The following GTF3C1 variants were observed in gnomAD, a reference collection of about 807,000 sequenced individuals.
GTF3C1 encodes general transcription factor 3C polypeptide 1.
In GTF3C1, 57 loss-of-function variants were observed where a neutral mutation model predicts 226.7. The ratio of observed to expected loss-of-function variants is 0.25; its 90% CI spans 0.20 to 0.31. GTF3C1 has a LOEUF of 0.31. Among genes scored for constraint, GTF3C1 ranks in the 10% least tolerant of loss-of-function variants. The pLI is 1.00. For synonymous variants in GTF3C1, 1,090 were observed against 1,084.8 expected, an observed-to-expected ratio of 1.00 and a Z score of -0.09; for missense variants, 2,217 against 2,776.1, an observed-to-expected ratio of 0.80 and a Z score of 4.53.
chr16:27,521,329 C>T (rs531730311), intron 6 of GTF3C1, among the ~76,000 whole-genome samples: 1 of 152,346 alleles, frequency 6.6e-6, no homozygotes, highest in East Asian at 1.9e-4. Context: ...AGAGGTCTTG[C>T]GAGAAAATCT....
chr16:27,462,866 C>T lies in GTF3C1; in HGVS notation c.5925-380G>A, dbSNP rs1201678108. ...GGGAGCGTGACCCTGAAGCTCTGCT[C>T]CACGCCATGTGCAGAGTTCCAGGCA... On this transcript the variant is annotated intron_variant, in intron 35 of 36. Transcript: ENST00000356183. The surrounding 1 kb of genome is among the most constrained non-coding windows in gnomAD (Gnocchi z 4.5). The T allele has an allele frequency of 1.7e-5, 4 of 237,458 alleles. No individual in the cohort carries two copies. The Admixed American group carries it at 2.0e-4, about 12-fold the overall frequency. 14.7% of individuals were successfully genotyped at this position (237,458 alleles called of 1,614,324 possible). A position where few individuals can be genotyped will look rare whatever the true frequency, so the allele number is the denominator to read the frequency against.
intron 28 of GTF3C1, among the ~76,000 whole-genome samples, chr16:27,476,770 G>T (rs111881203): frequency 1.3e-5 from 2 of 152,158 alleles, no homozygotes; most frequent in African/African-American, 2.4e-5. Context: ...TACCTGGAAC[G>T]GGTTTACATG....
Position 27,461,284 on chromosome 16 carries a change from G to A in GTF3C1, c.*66C>T. The A allele has an allele frequency of 9.3e-7, 1 of 1,071,458 alleles. No homozygotes were observed. Among genetic ancestry groups the A allele is most frequent in the Non-Finnish European group, 1.4e-6 (1 of 718,042 alleles). The allele number at this position is 1,071,458 out of a possible 1,614,324, so 66.4% of individuals were successfully genotyped here. ...CCAAGGCCAGGGCACAGTGGGGTCT[G>A]CCGAGCACCAGGCAGGAGTGGTGTG... On this transcript the variant is annotated 3_prime_UTR_variant, in exon 37 of 37. Transcript: ENST00000356183. This position sits in a 1 kb window ranked among gnomAD's most constrained non-coding sequence, Gnocchi z 5.3.
Position 27,514,079 on chromosome 16 carries a change from T to A in GTF3C1, c.974-2178A>T, listed in dbSNP as rs376095664. 1.1e-4 allele frequency among the ~76,000 whole-genome samples: 17 copies of A among 152,250 alleles called. 1 individual carries two copies. In the East Asian group the frequency reaches 1.3e-3, roughly 12 times the overall value. On this transcript the variant is annotated intron_variant, in intron 6 of 36. Coordinates refer to ENST00000356183, the MANE Select transcript of GTF3C1 (RefSeq NM_001520.4). ...GAACTCAACAGACCTCTGGAGACAC[T>A]CTAACGGGGGCCAGCCTAGGGCAAG...
In GTF3C1 at chr16:27,465,159, G is replaced by C. The variant is rs1025350868; in HGVS notation, c.5355+101C>G. 12 of 1,065,418 alleles carry C rather than the reference G, an allele frequency of 1.1e-5. No homozygotes were observed. The Admixed American group carries it at 2.3e-4, about 20-fold the overall frequency. The allele number at this position is 1,065,418 out of a possible 1,614,324, so 66.0% of individuals were successfully genotyped here. A position where few individuals can be genotyped will look rare whatever the true frequency, so the allele number is the denominator to read the frequency against. Reference sequence around the variant, plus strand: ...TAATTCAACGTTTAAAAAGAACGCAGCATGCTATGCCCCAAATCAAGCCCA... The same window carrying C: ...TAATTCAACGTTTAAAAAGAACGCACCATGCTATGCCCCAAATCAAGCCCA... On this transcript the variant is annotated intron_variant, in intron 33 of 36. Transcript: ENST00000356183.
intron 21 of GTF3C1, 67 bp downstream of exon 21, chr16:27,488,976 C>A: frequency 1.4e-6 from 2 of 1,438,578 alleles, no homozygotes; most frequent in Non-Finnish European, 2.0e-6. Flanking sequence ...TCTGGTCAGG[C>A]AGGGAGGGAC....
rs1409875982 is a variant in GTF3C1, at chr16:27,478,545, A to AT, written c.4197-15dup. The AT allele has an allele frequency of 6.3e-7, 1 of 1,596,582 alleles. No homozygotes were observed. Among genetic ancestry groups the AT allele is most frequent in the African/African-American group, 1.3e-5 (1 of 74,594 alleles). Reference sequence around the variant, plus strand: ...AAAACTCGGTACCTGCAAAAGAAACATAACAGCATGTCAGTGAAACAAAAC... The same window carrying AT: ...AAAACTCGGTACCTGCAAAAGAAACATTAACAGCATGTCAGTGAAACAAAAC... On this transcript the variant is annotated splice_polypyrimidine_tract_variant and intron_variant, in intron 27 of 36. Transcript: ENST00000356183.
Position 27,471,476 on chromosome 16 carries a change from C to A in GTF3C1, c.4526+272G>T. 1 of 418,814 alleles carries A rather than the reference C, an allele frequency of 2.4e-6. No individual in the cohort carries two copies. Among genetic ancestry groups the A allele is most frequent in the Non-Finnish European group, 4.4e-6 (1 of 229,782 alleles). 25.9% of individuals were successfully genotyped at this position (418,814 alleles called of 1,614,324 possible). ...AGCCAGGCCAATTATTAAATGCAAA[C>A]TGATTTCACTCCATCTGACGAGAGA... is the stretch of plus-strand genomic sequence containing the variant. On this transcript the variant is annotated intron_variant, in intron 30 of 36. Coordinates refer to ENST00000356183, the MANE Select transcript of GTF3C1 (RefSeq NM_001520.4). This position sits in a 1 kb window ranked among gnomAD's most constrained non-coding sequence, Gnocchi z 5.0.
At chr16:27,489,566 C>T (rs765932197) in intron 20 of GTF3C1, 36 bp downstream of exon 20, 1 of 1,547,316 alleles carries the variant, frequency 6.5e-7, no homozygotes, top group South Asian at 1.2e-5. Flanking sequence ...CACCGCAGCC[C>T]AGTCCTGGCC....
chr16:27,471,727 A>AGGCTCCTGACAG lies in GTF3C1; in HGVS notation c.4526+9_4526+20dup. ...GCGTGGCTCCACCTCGGAGTACCCA[A>AGGCTCCTGACAG]GGCTCCTGACAGGTACTCACCTGTA... On this transcript the variant is annotated intron_variant, in intron 30 of 36. Coordinates refer to ENST00000356183, the MANE Select transcript of GTF3C1 (RefSeq NM_001520.4). The surrounding 1 kb of genome is among the most constrained non-coding windows in gnomAD (Gnocchi z 5.0). 1 of 1,596,908 alleles carries AGGCTCCTGACAG rather than the reference A, an allele frequency of 6.3e-7. No homozygotes were observed. The highest frequency in any genetic ancestry group is 8.6e-7 in the Non-Finnish European group (1 of 1,164,632).
At position 27,488,417 on chromosome 16, in the gene GTF3C1, T is replaced by C; in HGVS notation, c.3512-2A>G. 6.2e-7 allele frequency: 1 copy of C among 1,607,940 alleles called. No homozygotes were observed. The highest frequency in any genetic ancestry group is 1.1e-5 in the South Asian group (1 of 90,964). ...CCCAAATATTCAACCTGCTGTTGCC[T>C]AGACATAATCACAGGAGACAACAGT... is the stretch of plus-strand genomic sequence containing the variant. On this transcript the variant is annotated splice_acceptor_variant, in intron 22 of 36. Coordinates refer to ENST00000356183, the MANE Select transcript of GTF3C1 (RefSeq NM_001520.4). LOFTEE classifies it high-confidence loss of function.
chr16:27,529,134 G>T (rs144820189), intron 5 of GTF3C1, among the ~76,000 whole-genome samples: 2,162 of 152,220 alleles, frequency 0.014, 18 homozygotes, highest in Non-Finnish European at 0.024. Context: ...GAAAAAAAAG[G>T]GGAAAAAATA....
Position 27,464,526 on chromosome 16 carries a change from T to C in GTF3C1, c.5666A>G (p.Gln1889Arg). Residue 1889 changes from glutamine to arginine, a missense_variant, in exon 34 of 37, where the codon CAG becomes CGG. Physicochemically the swap from Gln to Arg is conservative, Grantham distance 43. This residue lies in a region of GTF3C1 where 455 missense variants were observed against 441.9 expected (regional missense o/e 1.03). Coordinates refer to ENST00000356183, the MANE Select transcript of GTF3C1 (RefSeq NM_001520.4). ...QMTPAKRPAL[Q>R]DSNLAPSLGP... ...AAGGCTGGGGGCCAAATTTGAGTCC[T>C]GGAGCGCTGGCCTCTTGGCAGGGGT... The C allele has an allele frequency of 6.6e-7, 1 of 1,519,028 alleles. No individual in the cohort carries two copies. The highest frequency in any genetic ancestry group is 8.8e-7 in the Non-Finnish European group (1 of 1,134,750). 94.1% of individuals were successfully genotyped at this position (1,519,028 alleles called of 1,614,324 possible).
chr16:27,524,314 T>C (rs2088798050), intron 6 of GTF3C1, among the ~76,000 whole-genome samples: 1 of 152,234 alleles, frequency 6.6e-6, no homozygotes, highest in Non-Finnish European at 1.5e-5. Flanking sequence ...TTCTGATTTT[T>C]AAATGCCGGC....
chr16:27,480,746 G>T, intron 27 of GTF3C1: 1 of 268,970 alleles, frequency 3.7e-6, no homozygotes, highest in South Asian at 6.0e-5. Flanking sequence ...TTCAAATCCT[G>T]GCCCTGGTAC....
chr16:27,527,277 G>A (rs557750474), intron 6 of GTF3C1, among the ~76,000 whole-genome samples: 1 of 152,336 alleles, frequency 6.6e-6, no homozygotes, highest in Admixed American at 6.5e-5. Context: ...TGCCTCCCAG[G>A]TTCAAGCGAT....
At chr16:27,493,837 A>G (rs763449797) in intron 16 of GTF3C1, among the ~76,000 whole-genome samples, 3 of 152,240 alleles carry the variant, frequency 2.0e-5, no homozygotes, top group Non-Finnish European at 4.4e-5. Context: ...ACTCTACTTA[A>G]TATCAAGTCT....
chr16:27,509,757 CAAAAAAAAAAAAA>C (rs770402001), intron 7 of GTF3C1, among the ~76,000 whole-genome samples: 1 of 58,816 alleles, frequency 1.7e-5, no homozygotes, highest in Non-Finnish European at 4.0e-5. Context: ...GACTCCGTCT[CAAAAAAAAAAAAA>C]AAAAAAAAAG....
At position 27,463,686 on chromosome 16, in the gene GTF3C1, G is replaced by A. The variant is rs1292361913; in HGVS notation, c.5873-94C>T. ...CAGCATGGTACCTAGCATGAGCAGGGCACCTCGAGGCTCAGGGGATGAAGT... is the reference window on the plus strand; with the variant it reads ...CAGCATGGTACCTAGCATGAGCAGGACACCTCGAGGCTCAGGGGATGAAGT... On this transcript the variant is annotated intron_variant, in intron 34 of 36. Coordinates refer to ENST00000356183, the MANE Select transcript of GTF3C1 (RefSeq NM_001520.4). The surrounding 1 kb of genome is among the most constrained non-coding windows in gnomAD (Gnocchi z 4.9). 2.1e-5 allele frequency: 16 copies of A among 780,390 alleles called. No homozygotes were observed. The Admixed American group carries it at 2.9e-4, about 14-fold the overall frequency. 48.3% of individuals were successfully genotyped at this position (780,390 alleles called of 1,614,324 possible). A position where few individuals can be genotyped will look rare whatever the true frequency, so the allele number is the denominator to read the frequency against.
Sources: allele counts gnomAD v4.1 joint callset (sites outside exome capture counted in the v4.1 genomes callset), GRCh38; gene constraint gnomAD v4.1.1; regional missense constraint gnomAD v4.1.1; non-coding constraint Gnocchi (gnomAD v3.1); transcripts MANE v1.5; gene names NCBI Gene and HGNC (gene_info 2026-07-23, HGNC 2026-07-21).